The following YWHAE variants were observed in gnomAD, a reference collection of about 807,000 sequenced individuals.
YWHAE encodes tyrosine 3-monooxygenase/tryptophan 5-monooxygenase activation protein epsilon, also known as 14-3-3 protein epsilon.
In YWHAE, 4 loss-of-function variants were observed where a neutral mutation model predicts 30.1. That is an observed-to-expected ratio of 0.13 (90% confidence interval 0.07 to 0.30). The LOEUF is 0.30. Ranked by LOEUF, YWHAE falls within the 10% of genes least tolerant of loss-of-function variation. The pLI, the probability that YWHAE is intolerant of heterozygous loss-of-function variation, is 1.00. For missense variants in YWHAE, 121 were observed against 315.9 expected (o/e 0.38, Z 4.68); for synonymous variants, 118 against 111.8 (o/e 1.06, Z -0.35).
intron 1 of YWHAE, among the ~76,000 whole-genome samples, chr17:1,388,085 C>G (rs556152237): frequency 6.3e-5 from 9 of 142,834 alleles, no homozygotes; most frequent in African/African-American, 2.4e-4. Context: ...GCCACCACCA[C>G]GCCTGGGTAA....
At chr17:1,391,489 T>A (rs1298612219) in intron 1 of YWHAE, among the ~76,000 whole-genome samples, 1 of 152,178 alleles carries the variant, frequency 6.6e-6, no homozygotes, top group Non-Finnish European at 1.5e-5. Flanking sequence ...GCTGATGAAT[T>A]AGTCTGTCTT....
At chr17:1,375,526 T>G (rs371712340) in intron 1 of YWHAE, among the ~76,000 whole-genome samples, 2 of 152,162 alleles carry the variant, frequency 1.3e-5, no homozygotes, top group African/African-American at 4.8e-5. Context: ...AATCACTTCT[T>G]TTGGATCCAC....
At chr17:1,372,887 A>C (rs2073062612) in intron 1 of YWHAE, among the ~76,000 whole-genome samples, 1 of 152,094 alleles carries the variant, frequency 6.6e-6, no homozygotes, top group Non-Finnish European at 1.5e-5. Context: ...TGGGAGGTCA[A>C]GGCTGCAGTG....
At chr17:1,370,109 CA>C (rs1223777719) in intron 1 of YWHAE, among the ~76,000 whole-genome samples, 2 of 149,066 alleles carry the variant, frequency 1.3e-5, no homozygotes, top group Non-Finnish European at 3.0e-5. Context: ...AGCATTTACC[CA>C]CAGAAAAACT....
intron 2 of YWHAE, 172 bp downstream of exon 2, chr17:1,364,687 C>T (rs1567965904): frequency 1.7e-5 from 14 of 813,498 alleles, no homozygotes; most frequent in African/African-American, 1.2e-4. Flanking sequence ...TGCATAGCCA[C>T]GGGTAAGTTT....
intron 4 of YWHAE, among the ~76,000 whole-genome samples, chr17:1,354,874 G>C (rs1598228527): frequency 6.7e-6 from 1 of 150,278 alleles, no homozygotes; most frequent in East Asian, 2.0e-4. Context: ...GTGTTAGCCA[G>C]GATGGTCTCG....
chr17:1,378,748 C>T (rs1458064023), intron 1 of YWHAE, among the ~76,000 whole-genome samples: 2 of 152,166 alleles, frequency 1.3e-5, no homozygotes, highest in East Asian at 1.9e-4. Context: ...AGTTCAGGAC[C>T]GGCCTTGGCC....
At chr17:1,396,373 G>A (rs571783503) in intron 1 of YWHAE, among the ~76,000 whole-genome samples, 4 of 151,848 alleles carry the variant, frequency 2.6e-5, no homozygotes, top group South Asian at 2.1e-4. Flanking sequence ...GCAGTGGGCC[G>A]AGATTGTGCC....
rs376562476 is a variant in YWHAE, at chr17:1,394,000, T to C, written c.64+6047A>G. On this transcript the variant is annotated intron_variant, in intron 1 of 5. Coordinates refer to ENST00000264335, the MANE Select transcript of YWHAE (RefSeq NM_006761.5). ...CATCAAGATGTGAAGTAGATGCTAT[T>C]AGAATTGTTAAAGAACAAGCATCAA... 2.0e-4 allele frequency among the ~76,000 whole-genome samples: 31 copies of C among 152,224 alleles called. 1 individual carries two copies. Among genetic ancestry groups the C allele is most frequent in the African/African-American group, 7.0e-4 (29 of 41,532 alleles).
At chr17:1,380,814 T>G (rs2073195326) in intron 1 of YWHAE, among the ~76,000 whole-genome samples, 1 of 152,196 alleles carries the variant, frequency 6.6e-6, no homozygotes, top group South Asian at 2.1e-4. Flanking sequence ...TGGTAACATA[T>G]CCAAAGAACC....
chr17:1,350,631 G>A (rs1347809491), intron 5 of YWHAE, among the ~76,000 whole-genome samples: 11 of 151,294 alleles, frequency 7.3e-5, no homozygotes, highest in African/African-American at 2.4e-4. Flanking sequence ...TAGTAGAGAC[G>A]GGGTTTCTCC....
chr17:1,395,466 T>C (rs1331420897), intron 1 of YWHAE, among the ~76,000 whole-genome samples: 1 of 151,900 alleles, frequency 6.6e-6, no homozygotes, highest in Non-Finnish European at 1.5e-5. Context: ...GAGGCGGAGG[T>C]TGCAGTGAGC....
chr17:1,357,675 C>T (rs1047007771), intron 4 of YWHAE, among the ~76,000 whole-genome samples: 14 of 152,044 alleles, frequency 9.2e-5, no homozygotes, highest in Admixed American at 3.3e-4. Flanking sequence ...CCTGTAATCT[C>T]GGCACTTTGG....
chr17:1,382,277 T>G (rs2073224184), intron 1 of YWHAE, among the ~76,000 whole-genome samples: 1 of 150,612 alleles, frequency 6.6e-6, no homozygotes, highest in Non-Finnish European at 1.5e-5. Flanking sequence ...CTCGATCTCC[T>G]GACCTCATGA....
At chr17:1,388,746 T>G (rs1465391927) in intron 1 of YWHAE, among the ~76,000 whole-genome samples, 1 of 152,076 alleles carries the variant, frequency 6.6e-6, no homozygotes, top group African/African-American at 2.4e-5. Flanking sequence ...CACTTTAATA[T>G]TTTAATGTTT....
intron 5 of YWHAE, among the ~76,000 whole-genome samples, chr17:1,353,691 G>A (rs1304411395): frequency 6.6e-6 from 1 of 151,666 alleles, no homozygotes; most frequent in Non-Finnish European, 1.5e-5. Context: ...TTGAACCCGG[G>A]AGGCAGAGTT....
rs923368089 is a variant in YWHAE at position 1,359,811 on chromosome 17, G to A, written c.578+1281C>T. 8.3e-5 allele frequency among the ~76,000 whole-genome samples: 8 copies of A among 96,470 alleles called. No homozygotes were observed. The South Asian group carries it at 1.6e-3, about 20-fold the overall frequency. 63.3% of individuals were successfully genotyped at this position (96,470 alleles called of 152,430 possible). On this transcript the variant is annotated intron_variant, in intron 4 of 5. Coordinates refer to ENST00000264335, the MANE Select transcript of YWHAE (RefSeq NM_006761.5). ...TCAATGTATTCGGTGCCACTAAATT[G>A]TTGTGTGTGTGTGTGTGTGTGTGTG...
At chr17:1,366,835 G>T (rs2072952876) in intron 1 of YWHAE, among the ~76,000 whole-genome samples, 1 of 152,072 alleles carries the variant, frequency 6.6e-6, no homozygotes, top group African/African-American at 2.4e-5. Flanking sequence ...CCAGCTACCA[G>T]GAAGGCTGAG....
chr17:1,349,975 G>C (rs187314887), intron 5 of YWHAE, among the ~76,000 whole-genome samples: 1 of 135,316 alleles, frequency 7.4e-6, no homozygotes, highest in Non-Finnish European at 1.6e-5. Flanking sequence ...TTTTTTGGAC[G>C]AAGTTTCTCT....
Sources: allele counts gnomAD v4.1 joint callset (sites outside exome capture counted in the v4.1 genomes callset), GRCh38; gene constraint gnomAD v4.1.1; transcripts MANE v1.5; gene names NCBI Gene and HGNC (gene_info 2026-07-23, HGNC 2026-07-21).